CCND3: variants seen among roughly 807,000 people sequenced by gnomAD.
The protein encoded by CCND3 is G1/S-specific cyclin-D3.
CCND3 carries 9 observed loss-of-function variants against 28.7 expected under a neutral mutation model. The ratio of observed to expected loss-of-function variants is 0.31; its 90% CI spans 0.19 to 0.55. CCND3 has a LOEUF of 0.55. Ranked by LOEUF, CCND3 falls within the 20% of genes least tolerant of loss-of-function variation. The pLI, the probability that CCND3 is intolerant of heterozygous loss-of-function variation, is 0.93. For missense variants in CCND3, 315 were observed against 385.8 expected, an observed-to-expected ratio of 0.82 and a Z score of 1.54; for synonymous variants, 164 against 163.9, an observed-to-expected ratio of 1.00 and a Z score of 0.00.
Position 41,974,513 on chromosome 6 carries a change from G to A in CCND3, c.-45-33928C>T, listed in dbSNP as rs1039105248. Among the ~76,000 whole-genome samples the A allele has an allele frequency of 2.6e-5, 4 of 152,218 alleles. No individual in the cohort carries two copies. In the South Asian group the frequency reaches 8.3e-4, roughly 32 times the overall value. On this transcript the variant is annotated intron_variant, in intron 1 of 4. Transcript: ENST00000372988. ...CTCAGTGTACAGTGAGCCCGTGATG[G>A]TGCATTCTGCCTTTGAACTTGACTG...
intron 1 of CCND3, among the ~76,000 whole-genome samples, chr6:42,037,861 T>C (rs1764269207): frequency 6.6e-6 from 1 of 151,692 alleles, no homozygotes. Flanking sequence ...TGAAACCCTG[T>C]CTCTAATAAA....
At position 41,935,600 on chromosome 6, in the gene CCND3, A is replaced by G. The variant is rs973001723; in HGVS notation, c.*340T>C. ...CTAGAGCATTTTGGCAGTTGAAAAC[A>G]TGAGAGCCCCCAGGGGTGGGGGGGG... On this transcript the variant is annotated 3_prime_UTR_variant, in exon 5 of 5. Transcript: ENST00000372991. The G allele has an allele frequency of 1.3e-5, 6 of 466,592 alleles. No homozygotes were observed. Among genetic ancestry groups the G allele is most frequent in the Middle Eastern group, 5.5e-4 (1 of 1,830 alleles). 28.9% of individuals were successfully genotyped at this position (466,592 alleles called of 1,614,324 possible).
intron 2 of CCND3, among the ~76,000 whole-genome samples, chr6:41,940,134 T>C (rs1169023313): frequency 2.0e-5 from 3 of 152,172 alleles, no homozygotes; most frequent in South Asian, 2.1e-4. Context: ...TGGCATCCCC[T>C]GGAGGTCAGG....
chr6:42,005,622 G>A (rs1252043223), intron 1 of CCND3, among the ~76,000 whole-genome samples: 2 of 150,760 alleles, frequency 1.3e-5, no homozygotes, highest in Non-Finnish European at 2.9e-5. Flanking sequence ...AACTTGAGGA[G>A]CCCAAGGTAG....
At chr6:42,016,789 T>G (rs1319727124) in intron 1 of CCND3, among the ~76,000 whole-genome samples, 1 of 152,022 alleles carries the variant, frequency 6.6e-6, no homozygotes, top group Non-Finnish European at 1.5e-5. Flanking sequence ...TTTACCATGT[T>G]GGCTAGGCTG....
At chr6:41,968,516 A>G (rs905542475) in intron 1 of CCND3, among the ~76,000 whole-genome samples, 1 of 152,170 alleles carries the variant, frequency 6.6e-6, no homozygotes, top group East Asian at 1.9e-4. Context: ...TGTTGAGCCC[A>G]GAAGTCCAAG....
chr6:41,964,487 T>TGTGTGTGTGTGA (rs1761823893), intron 1 of CCND3, among the ~76,000 whole-genome samples: 1 of 62,786 alleles, frequency 1.6e-5, no homozygotes, highest in Non-Finnish European at 3.1e-5. Flanking sequence ...TGTGTGTGAA[T>TGTGTGTGTGTGA]GTGTGTGTGT....
intron 1 of CCND3, among the ~76,000 whole-genome samples, chr6:42,041,267 G>T (rs1764363698): frequency 6.6e-6 from 1 of 152,214 alleles, no homozygotes; most frequent in Non-Finnish European, 1.5e-5. Context: ...AACCCAAAAG[G>T]CTGGGCCCAG....
intron 1 of CCND3, among the ~76,000 whole-genome samples, chr6:41,960,639 C>T (rs1761694979): frequency 6.6e-6 from 1 of 152,100 alleles, no homozygotes; most frequent in Non-Finnish European, 1.5e-5. Context: ...CAAGGAGACC[C>T]CCAACCTCCA....
chr6:42,047,175 G>A (rs1238346340), intron 1 of CCND3, among the ~76,000 whole-genome samples: 1 of 152,172 alleles, frequency 6.6e-6, no homozygotes, highest in Non-Finnish European at 1.5e-5. Flanking sequence ...GACCATGGAG[G>A]TCATGATCTC....
intron 1 of CCND3, among the ~76,000 whole-genome samples, chr6:41,978,757 T>G (rs963302928): frequency 6.6e-6 from 1 of 152,204 alleles, no homozygotes; most frequent in Non-Finnish European, 1.5e-5. Flanking sequence ...CTATTGGTCA[T>G]CTCTATATGG....
At chr6:42,025,888 T>C (rs994860708) in intron 1 of CCND3, among the ~76,000 whole-genome samples, 3 of 152,180 alleles carry the variant, frequency 2.0e-5, no homozygotes, top group Non-Finnish European at 4.4e-5. Flanking sequence ...GGTGTATCCA[T>C]GGTAAGCACT....
At chr6:41,959,814 G>C (rs1273884510) in intron 1 of CCND3, among the ~76,000 whole-genome samples, 1 of 151,744 alleles carries the variant, frequency 6.6e-6, no homozygotes, top group Non-Finnish European at 1.5e-5. Context: ...AAATTAGCTG[G>C]GCATGGTGGC....
intron 1 of CCND3, among the ~76,000 whole-genome samples, chr6:41,962,452 C>T (rs368137546): frequency 6.6e-5 from 10 of 152,132 alleles, no homozygotes; most frequent in Middle Eastern, 3.4e-3. Flanking sequence ...TCTTTTGCTC[C>T]CCAAAACCTT....
intron 1 of CCND3, among the ~76,000 whole-genome samples, chr6:42,011,708 C>T (rs1435979298): frequency 6.6e-6 from 1 of 152,152 alleles, no homozygotes; most frequent in Non-Finnish European, 1.5e-5. Context: ...GAGCCCTCCA[C>T]CTGCAAATGC....
chr6:42,010,573 C>T (rs1763314969), intron 1 of CCND3, among the ~76,000 whole-genome samples: 1 of 152,162 alleles, frequency 6.6e-6, no homozygotes, highest in Non-Finnish European at 1.5e-5. Context: ...TCTAGCGGGG[C>T]CCCTTCCCAC....
At chr6:41,947,696 T>G (rs917329192) in intron 1 of CCND3, among the ~76,000 whole-genome samples, 3 of 152,310 alleles carry the variant, frequency 2.0e-5, no homozygotes, top group Admixed American at 2.0e-4. Context: ...ACATCCAACC[T>G]GCGACCCACT....
At chr6:41,993,609 C>T (rs994301371) in intron 1 of CCND3, among the ~76,000 whole-genome samples, 2 of 151,678 alleles carry the variant, frequency 1.3e-5, no homozygotes, top group African/African-American at 2.4e-5. Flanking sequence ...TGGGGTTTCA[C>T]GATTTGGCCA....
At chr6:42,047,989 C>T (rs572398985) in intron 1 of CCND3, 12 of 153,012 alleles carry the variant, frequency 7.8e-5, no homozygotes, top group East Asian at 5.8e-4. Context: ...AAATGAATAA[C>T]TTAATGCTCC....
Sources: gnomAD v4.1 joint callset for allele counts (sites outside exome capture counted in the v4.1 genomes callset) on GRCh38, gnomAD v4.1.1 for gene constraint, MANE v1.5 for transcripts, NCBI Gene and HGNC (gene_info 2026-07-23, HGNC 2026-07-21) for gene names.